NEO1: variants seen among roughly 807,000 people sequenced by gnomAD.
NEO1 encodes neogenin.
Under a neutral mutation model 159.7 loss-of-function variants are expected in NEO1, and 63 were observed. That is an observed-to-expected ratio of 0.39 (90% CI 0.32 to 0.49). NEO1 has a LOEUF of 0.49. NEO1 is among the 20% of genes least tolerant of loss of function. NEO1 has a pLI of 0.85. For missense variants in NEO1, 1,615 were observed against 1,831.0 expected (o/e 0.88, Z 2.15); for synonymous variants, 633 against 662.0 (o/e 0.96, Z 0.67).
At chr15:73,095,868 G>A (rs1460764414) in intron 1 of NEO1, among the ~76,000 whole-genome samples, 5 of 152,104 alleles carry the variant, frequency 3.3e-5, no homozygotes, top group Admixed American at 2.0e-4. Flanking sequence ...GTTATAAGAT[G>A]CCTGAATAGG....
chr15:73,128,137 C>G (rs1277646253), intron 4 of NEO1, among the ~76,000 whole-genome samples: 1 of 152,180 alleles, frequency 6.6e-6, no homozygotes, highest in African/African-American at 2.4e-5. Context: ...TTCTCATCAT[C>G]CATCCACTCA....
chr15:73,068,497 C>T (rs928187469), intron 1 of NEO1, among the ~76,000 whole-genome samples: 1 of 152,068 alleles, frequency 6.6e-6, no homozygotes, highest in Non-Finnish European at 1.5e-5. Flanking sequence ...TAGGTGTGAG[C>T]CACTGCACCT....
intron 19 of NEO1, 40 bp from the exon 20 acceptor site, chr15:73,273,771 C>T: frequency 6.6e-7 from 1 of 1,505,584 alleles, no homozygotes; most frequent in South Asian, 1.2e-5. Flanking sequence ...AAAGGAAAAG[C>T]AGGAGTGAGA....
chr15:73,298,188 C>G (rs2042453546), intron 26 of NEO1, 160 bp from the exon 27 acceptor site: 2 of 839,606 alleles, frequency 2.4e-6, no homozygotes, highest in East Asian at 2.7e-5. Context: ...AGACTCCATT[C>G]TTATCCCTGG....
intron 8 of NEO1, among the ~76,000 whole-genome samples, chr15:73,239,143 C>T (rs2039360453): frequency 6.6e-6 from 1 of 152,020 alleles, no homozygotes; most frequent in South Asian, 2.1e-4. Context: ...CTGTGCCTGG[C>T]CAAGTTATCA....
At chr15:73,223,273 G>C (rs533383706) in intron 7 of NEO1, among the ~76,000 whole-genome samples, 1 of 152,080 alleles carries the variant, frequency 6.6e-6, no homozygotes, top group Non-Finnish European at 1.5e-5. Context: ...TGGATGAAAT[G>C]TTCTGTATAT....
chr15:73,163,773 C>G (rs1487183798), intron 5 of NEO1, among the ~76,000 whole-genome samples: 1 of 152,164 alleles, frequency 6.6e-6, no homozygotes, highest in Non-Finnish European at 1.5e-5. Context: ...ATTGGGAAGG[C>G]TGTAACATAT....
At chr15:73,111,316 T>A (rs1399090083) in intron 1 of NEO1, among the ~76,000 whole-genome samples, 1 of 152,212 alleles carries the variant, frequency 6.6e-6, no homozygotes, top group Non-Finnish European at 1.5e-5. Context: ...TCTTTTAATC[T>A]CAGCATACAA....
chr15:73,253,323 C>T, intron 11 of NEO1, 77 bp from the exon 12 acceptor site: 1 of 820,464 alleles, frequency 1.2e-6, no homozygotes, highest in South Asian at 2.1e-5. Flanking sequence ...TGTTTAAAGT[C>T]CAGCCAAGAT....
At chr15:73,152,088 T>A (rs929420110) in intron 5 of NEO1, among the ~76,000 whole-genome samples, 1 of 152,196 alleles carries the variant, frequency 6.6e-6, no homozygotes, top group African/African-American at 2.4e-5. Flanking sequence ...TAAATACATG[T>A]ATGTGTGGTG....
intron 7 of NEO1, among the ~76,000 whole-genome samples, chr15:73,197,789 T>A (rs940575725): frequency 4.6e-5 from 7 of 151,274 alleles, no homozygotes; most frequent in Non-Finnish European, 1.0e-4. Context: ...CAAGATATTC[T>A]CCTGCCTCAG....
chr15:73,127,085 G>A (rs1393691875), intron 4 of NEO1, among the ~76,000 whole-genome samples: 2 of 152,050 alleles, frequency 1.3e-5, no homozygotes, highest in Non-Finnish European at 2.9e-5. Context: ...CAAAAAATTA[G>A]CTGGGCGTTG....
chr15:73,212,101 G>GT (rs1230166861), intron 7 of NEO1, among the ~76,000 whole-genome samples: 3 of 152,182 alleles, frequency 2.0e-5, no homozygotes, highest in Admixed American at 6.5e-5. Context: ...CACTGATCAT[G>GT]TGGTTAAGGT....
rs2039944226 is a variant in NEO1 at position 73,249,114 on chromosome 15, C to G, written c.1661C>G (p.Ser554Cys). 6.2e-7 allele frequency: 1 copy of G among 1,614,094 alleles called. No individual in the cohort carries two copies. The highest frequency in any genetic ancestry group is 8.5e-7 in the Non-Finnish European group (1 of 1,179,986). ...CGTGCATATGCAGCTTCGCCTACCT[C>G]CATCACTGTTACGTGGGAAACACCA... ...NLRAYAASPTSITVTWETPVS... is the reference protein window; with the variant it reads ...NLRAYAASPTCITVTWETPVS... Residue 554 changes from serine to cysteine, a missense_variant, in exon 10 of 29, where the codon TCC (serine) becomes TGC (cysteine). Around this residue, in one of 3 missense-constraint regions of NEO1, gnomAD observed 1,018 missense variants for 1,115.4 expected, o/e 0.91. Coordinates refer to ENST00000261908, the MANE Select transcript of NEO1 (RefSeq NM_002499.4).
chr15:73,063,369 C>A (rs8023496), intron 1 of NEO1, among the ~76,000 whole-genome samples: 66 of 151,972 alleles, frequency 4.3e-4, no homozygotes, highest in African/African-American at 1.6e-3. Context: ...CTGGCTTATT[C>A]ATGGAATGTA....
intron 1 of NEO1, among the ~76,000 whole-genome samples, chr15:73,094,660 T>G (rs188682600): frequency 5.3e-5 from 8 of 152,232 alleles, no homozygotes; most frequent in Non-Finnish European, 1.0e-4. Flanking sequence ...CCTGTTTTCT[T>G]CTTTGTCATT....
chr15:73,258,805 C>A lies in NEO1; in HGVS notation c.2132C>A (p.Ala711Asp). 1 of 1,612,952 alleles carries A rather than the reference C, an allele frequency of 6.2e-7. No homozygotes were observed. The highest frequency in any genetic ancestry group is 1.1e-5 in the South Asian group (1 of 91,076). Reference protein sequence around the residue: ...RGTEYNFRVAALTINGTGPAT... With the variant: ...RGTEYNFRVADLTINGTGPAT... ...ACTGAGTATAATTTCCGAGTGGCTGCTCTAACAATCAATGGTACAGGCCCG... is the reference window on the plus strand; with the variant it reads ...ACTGAGTATAATTTCCGAGTGGCTGATCTAACAATCAATGGTACAGGCCCG... The change falls in exon 14 of 29, where the codon GCT (alanine) becomes GAT (aspartate). Residue 711 changes from alanine (A) to aspartate (D), a missense_variant. Physicochemically the swap from Ala to Asp is moderately radical, Grantham distance 126. Around this residue, in one of 3 missense-constraint regions of NEO1, gnomAD observed 1,018 missense variants for 1,115.4 expected, o/e 0.91. Coordinates refer to ENST00000261908, the MANE Select transcript of NEO1 (RefSeq NM_002499.4).
rs149490246 is a variant in NEO1, at chr15:73,293,422, G to A, written c.3775G>A (p.Asp1259Asn). ...TAGTGCCCATCCCATCCATTCCCTC[G>A]ATAACCCTCACCATCATTTCCACTC... ...VISAHPIHSL[D>N]NPHHHFHSSS... is the part of the protein sequence containing the mutation. Residue 1259 changes from aspartate to asparagine, a missense_variant, in exon 26 of 29, where the codon GAT becomes AAT. Coordinates refer to ENST00000261908, the MANE Select transcript of NEO1 (RefSeq NM_002499.4). 90 of 1,613,916 alleles carry A rather than the reference G, an allele frequency of 5.6e-5. No individual in the cohort carries two copies. The East Asian group carries it at 6.2e-4, about 11-fold the overall frequency.
At chr15:73,200,156 T>C (rs1318544226) in intron 7 of NEO1, among the ~76,000 whole-genome samples, 1 of 152,208 alleles carries the variant, frequency 6.6e-6, no homozygotes, top group Non-Finnish European at 1.5e-5. Flanking sequence ...AGTGAAACTA[T>C]CTAGGCCTAG....
Sources: allele counts gnomAD v4.1 joint callset (sites outside exome capture counted in the v4.1 genomes callset), GRCh38; gene constraint gnomAD v4.1.1; regional missense constraint gnomAD v4.1.1; transcripts MANE v1.5; gene names NCBI Gene and HGNC (gene_info 2026-07-23, HGNC 2026-07-21).